The following SSBP3 variants were observed in gnomAD, a reference collection of about 807,000 sequenced individuals.
The protein encoded by SSBP3 is single stranded DNA binding protein 3.
A neutral mutation model predicts 69.6 loss-of-function variants in SSBP3; 5 were observed. The observed-to-expected ratio is 0.07, with a 90% CI of 0.04 to 0.15. SSBP3 has a LOEUF of 0.15. SSBP3 is among the 10% of genes least tolerant of loss of function. The pLI, the probability that SSBP3 is intolerant of heterozygous loss-of-function variation, is 1.00. For synonymous variants in SSBP3, 196 were observed against 193.4 expected (o/e 1.01, Z -0.11); for missense variants, 312 against 534.0 (o/e 0.58, Z 4.10).
chr1:54,316,681 T>TA (rs1557525546), intron 4 of SSBP3, among the ~76,000 whole-genome samples: 1 of 112,840 alleles, frequency 8.9e-6, no homozygotes, highest in South Asian at 2.6e-4. Flanking sequence ...AATAAATAAA[T>TA]AAATAAATAA....
At chr1:54,253,373 G>A (rs940645260) in intron 7 of SSBP3, among the ~76,000 whole-genome samples, 30 of 151,606 alleles carry the variant, frequency 2.0e-4, no homozygotes, top group African/African-American at 7.3e-4. Context: ...TAAATTTTTT[G>A]TATTGATGGG....
At chr1:54,349,183 A>G (rs1430859266) in intron 4 of SSBP3, among the ~76,000 whole-genome samples, 1 of 152,198 alleles carries the variant, frequency 6.6e-6, no homozygotes, top group African/African-American at 2.4e-5. Context: ...TGGAGGAGAG[A>G]TTAGAATTAT....
intron 5 of SSBP3, among the ~76,000 whole-genome samples, chr1:54,260,415 A>C (rs702496): frequency 0.59 from 89,967 of 152,154 alleles, 27,292 homozygotes; most frequent in South Asian, 0.74. Context: ...GGAGGGCAGG[A>C]GGCTGGCTCA....
chr1:54,316,534 G>C (rs1338823212), intron 4 of SSBP3, among the ~76,000 whole-genome samples: 1 of 147,064 alleles, frequency 6.8e-6, no homozygotes, highest in Non-Finnish European at 1.5e-5. Context: ...CCAGCTACTC[G>C]GGAGGCTGAG....
intron 4 of SSBP3, among the ~76,000 whole-genome samples, chr1:54,316,533 C>T (rs1230388235): frequency 6.9e-6 from 1 of 145,730 alleles, no homozygotes; most frequent in Admixed American, 6.8e-5. Context: ...CCCAGCTACT[C>T]GGGAGGCTGA....
chr1:54,386,326 C>T (rs1004040014), intron 4 of SSBP3, among the ~76,000 whole-genome samples: 3 of 152,188 alleles, frequency 2.0e-5, no homozygotes, highest in Non-Finnish European at 4.4e-5. Context: ...GATTGACATC[C>T]TTCAGATACA....
At chr1:54,281,679 AG>A (rs1457499606) in intron 4 of SSBP3, 152 bp from the exon 5 acceptor site, 3 of 737,990 alleles carry the variant, frequency 4.1e-6, no homozygotes, top group Admixed American at 4.2e-5. Context: ...CTAGCGTCCC[AG>A]GGAAGTGTCA....
intron 4 of SSBP3, among the ~76,000 whole-genome samples, chr1:54,399,159 A>T (rs1210407855): frequency 6.6e-6 from 1 of 152,252 alleles, no homozygotes; most frequent in African/African-American, 2.4e-5. Context: ...TGTGGGAGCT[A>T]CAGAGATGAA....
intron 4 of SSBP3, among the ~76,000 whole-genome samples, chr1:54,374,366 A>G (rs1557574680): frequency 6.6e-6 from 1 of 152,222 alleles, no homozygotes; most frequent in Non-Finnish European, 1.5e-5. Context: ...ATCCCAGGTC[A>G]TCCCACACCA....
chr1:54,257,403 G>A (rs888210454), intron 6 of SSBP3: 12 of 507,718 alleles, frequency 2.4e-5, no homozygotes, highest in East Asian at 1.1e-4. Context: ...ACATTTGTTC[G>A]TGGAGATCTA....
intron 14 of SSBP3, among the ~76,000 whole-genome samples, chr1:54,236,046 C>T (rs1186967711): frequency 6.6e-6 from 1 of 152,208 alleles, no homozygotes; most frequent in East Asian, 1.9e-4. Context: ...CTCCTCGGGG[C>T]TCCTTAAGGA....
At chr1:54,408,849 C>T (rs1440009674), upstream of SSBP3, among the ~76,000 whole-genome samples, 2 of 152,144 alleles carry the variant, frequency 1.3e-5, no homozygotes, top group African/African-American at 4.8e-5. Flanking sequence ...TGTGGTCAGC[C>T]CTTTGCTGGA....
chr1:54,378,210 A>C (rs566265801), intron 4 of SSBP3, among the ~76,000 whole-genome samples: 1 of 152,256 alleles, frequency 6.6e-6, no homozygotes, highest in South Asian at 2.1e-4. Flanking sequence ...TATTCTCATC[A>C]ACTTTCTTTC....
At chr1:54,404,971 G>A in intron 1 of SSBP3, 41 bp from the exon 2 acceptor site, 1 of 1,564,162 alleles carries the variant, frequency 6.4e-7, no homozygotes, top group Non-Finnish European at 8.8e-7. Context: ...AGGGAAAGGC[G>A]TCAGATCCCA....
upstream of SSBP3, among the ~76,000 whole-genome samples, chr1:54,407,825 C>G (rs1390302020): frequency 6.7e-6 from 1 of 149,260 alleles, no homozygotes; most frequent in Non-Finnish European, 1.5e-5. Flanking sequence ...CCTAACATGC[C>G]TCGCACCAAA....
intron 14 of SSBP3, among the ~76,000 whole-genome samples, chr1:54,233,922 G>A (rs1478497054): frequency 1.3e-5 from 2 of 152,250 alleles, no homozygotes; most frequent in Non-Finnish European, 2.9e-5. Flanking sequence ...GGAAAGGTGG[G>A]GAAAAGATTG....
intron 5 of SSBP3, among the ~76,000 whole-genome samples, chr1:54,262,458 C>T (rs1243276614): frequency 6.6e-6 from 1 of 152,192 alleles, no homozygotes; most frequent in Non-Finnish European, 1.5e-5. Context: ...GGCTGAAGGA[C>T]TTGGGAGAGC....
In SSBP3 at chr1:54,235,448, ATTTTTTT is replaced by A. The variant is rs71580002; in HGVS notation, c.927+3674_927+3680del. On this transcript the variant is annotated intron_variant, in intron 14 of 17. Transcript: ENST00000610401. ...AGGCGTGTACCACCATGCCCGGCTGATTTTTTTTTTTTTTTTTTTTTTTTTGAGATGG... is the reference window on the plus strand; with the variant it reads ...AGGCGTGTACCACCATGCCCGGCTGATTTTTTTTTTTTTTTTTTGAGATGG... 6.7e-4 allele frequency among the ~76,000 whole-genome samples: 47 copies of A among 69,924 alleles called. 1 individual carries two copies. Among genetic ancestry groups the A allele is most frequent in the African/African-American group, 2.3e-3 (35 of 15,246 alleles). The allele number at this position is 69,924 out of a possible 152,430, so 45.9% of individuals were successfully genotyped here. A position where few individuals can be genotyped will look rare whatever the true frequency, so the allele number is the denominator to read the frequency against.
intron 12 of SSBP3, 128 bp from the exon 13 acceptor site, chr1:54,241,087 A>T (rs1644629171): frequency 1.0e-6 from 1 of 1,001,622 alleles, no homozygotes. Flanking sequence ...ATCTTGCTAC[A>T]CCCCCAGCGC....
Sources: gnomAD v4.1 joint callset for allele counts (sites outside exome capture counted in the v4.1 genomes callset) on GRCh38, gnomAD v4.1.1 for gene constraint, MANE v1.5 for transcripts, NCBI Gene and HGNC (gene_info 2026-07-23, HGNC 2026-07-21) for gene names.